RANBP2: variants seen among roughly 807,000 people sequenced by gnomAD.
RANBP2 encodes E3 SUMO-protein ligase RanBP2.
RANBP2 carries 57 observed loss-of-function variants against 303.6 expected under a neutral mutation model. The observed-to-expected ratio is 0.19, with a 90% CI of 0.15 to 0.23. The LOEUF (loss-of-function observed/expected upper bound fraction) is 0.23, where lower values mean the gene tolerates loss of function less well. RANBP2 is among the 10% of genes least tolerant of loss of function. The probability of loss-of-function intolerance (pLI) is 1.00; values close to 1 mark genes in which losing one functional copy is unlikely to be tolerated. For missense variants in RANBP2, 3,138 were observed against 3,780.8 expected (o/e 0.83, Z 4.46); for synonymous variants, 1,167 against 1,301.5 (o/e 0.90, Z 2.23).
chr2:108,986,237 T>C, the RANBP2 span, among the ~76,000 whole-genome samples: 2 of 152,136 alleles, frequency 1.3e-5, no homozygotes, highest in African/African-American at 2.4e-5. Flanking sequence ...TTTTTCACTA[T>C]ATAAAAACTA....
Position 108,766,079 on chromosome 2 carries a change from A to G in RANBP2, c.5540A>G (p.Glu1847Gly), listed in dbSNP as rs1254493089. The part of the protein sequence containing the change: ...VGTGFKSNFS[E>G]KASKFGNTEQ... ...ACAGGATTTAAAAGTAATTTCTCAG[A>G]AAAAGCTTCTAAGTTTGGCAATACA... Residue 1847 changes from glutamate to glycine, a missense_variant, in exon 20 of 29, where the codon GAA becomes GGA. Glu to Gly is a moderately conservative substitution (Grantham distance 98). Around this residue, in one of 20 missense-constraint regions of RANBP2, gnomAD observed 348 missense variants for 360.4 expected, o/e 0.97. Transcript: ENST00000283195. 1 of 1,614,180 alleles carries G rather than the reference A, an allele frequency of 6.2e-7. No homozygotes were observed.
the RANBP2 span, chr2:109,544,698 G>C: frequency 1.2e-6 from 1 of 864,312 alleles, no homozygotes; most frequent in Non-Finnish European, 1.4e-6. Flanking sequence ...AAAATCCAAA[G>C]CATGTTGAAA....
chr2:109,050,410 C>T, the RANBP2 span, among the ~76,000 whole-genome samples: 1 of 146,942 alleles, frequency 6.8e-6, no homozygotes, highest in Non-Finnish European at 1.5e-5. Flanking sequence ...CAAGCCACCA[C>T]ACCAGGCGAA....
At chr2:109,078,267 CGTATAT>C in the RANBP2 span, among the ~76,000 whole-genome samples, 1 of 17,568 alleles carries the variant, frequency 5.7e-5, no homozygotes, top group Admixed American at 6.0e-4. Flanking sequence ...ATATATAGCG[CGTATAT>C]ATATATATAT....
At chr2:109,188,064 G>A in the RANBP2 span, among the ~76,000 whole-genome samples, 31 of 152,222 alleles carry the variant, frequency 2.0e-4, no homozygotes, top group African/African-American at 7.2e-4. Context: ...CCCCGTGAGC[G>A]TAGTGAGTGG....
At chr2:108,957,446 A>G in the RANBP2 span, among the ~76,000 whole-genome samples, 5 of 152,226 alleles carry the variant, frequency 3.3e-5, no homozygotes, top group African/African-American at 9.6e-5. Flanking sequence ...CAGTCCTTCA[A>G]ATAGAGGGCT....
At chr2:109,144,618 C>T in the RANBP2 span, among the ~76,000 whole-genome samples, 1 of 152,206 alleles carries the variant, frequency 6.6e-6, no homozygotes, top group Non-Finnish European at 1.5e-5. Flanking sequence ...AAATGGCAAA[C>T]ATGAGAAACC....
chr2:109,130,795 A>G, the RANBP2 span, among the ~76,000 whole-genome samples: 2 of 152,002 alleles, frequency 1.3e-5, no homozygotes, highest in South Asian at 4.1e-4. Flanking sequence ...GTACAGCCGC[A>G]TTTTAGGGCC....
the RANBP2 span, among the ~76,000 whole-genome samples, chr2:109,577,812 C>T: frequency 2.0e-5 from 3 of 147,634 alleles, no homozygotes; most frequent in South Asian, 6.5e-4. Flanking sequence ...ACACAGGAGG[C>T]TGAGGCTTAA....
the RANBP2 span, among the ~76,000 whole-genome samples, chr2:109,435,621 G>A: frequency 4.6e-5 from 7 of 152,208 alleles, no homozygotes; most frequent in African/African-American, 1.4e-4. Context: ...ACTAGCCAAG[G>A]GTATCTCTGC....
chr2:108,903,611 T>C, the RANBP2 span, among the ~76,000 whole-genome samples: 9 of 152,254 alleles, frequency 5.9e-5, no homozygotes, highest in South Asian at 1.7e-3. Flanking sequence ...TATGCCAAAC[T>C]GATTTTTGAC....
the RANBP2 span, among the ~76,000 whole-genome samples, chr2:109,078,118 A>G: frequency 0.015 from 693 of 44,748 alleles, 29 homozygotes; most frequent in Non-Finnish European, 0.021. Context: ...ATATATATAT[A>G]GCGTGTATAT....
chr2:109,253,453 G>A, the RANBP2 span, among the ~76,000 whole-genome samples: 1 of 152,178 alleles, frequency 6.6e-6, no homozygotes, highest in Non-Finnish European at 1.5e-5. Context: ...CGGGTGGGCT[G>A]GTGAGGGCAT....
the RANBP2 span, among the ~76,000 whole-genome samples, chr2:109,688,451 ACT>A: frequency 2.0e-5 from 3 of 152,004 alleles, no homozygotes; most frequent in East Asian, 5.8e-4. Context: ...CTGAAAAGAG[ACT>A]CTGTTGGAGC....
chr2:108,975,132 G>A, the RANBP2 span, among the ~76,000 whole-genome samples: 1 of 152,226 alleles, frequency 6.6e-6, no homozygotes, highest in South Asian at 2.1e-4. Flanking sequence ...GTCTGAGGGT[G>A]CTGGGCAGGG....
chr2:109,670,975 A>G, the RANBP2 span, among the ~76,000 whole-genome samples: 2 of 152,180 alleles, frequency 1.3e-5, no homozygotes, highest in African/African-American at 4.8e-5. Flanking sequence ...CCCAGGCCCC[A>G]GTGCCTGGCC....
At chr2:109,331,232 G>A in the RANBP2 span, among the ~76,000 whole-genome samples, 1 of 152,096 alleles carries the variant, frequency 6.6e-6, no homozygotes, top group Non-Finnish European at 1.5e-5. Flanking sequence ...TCCTGATATT[G>A]TGTACAGACC....
chr2:109,374,885 C>T, the RANBP2 span, among the ~76,000 whole-genome samples: 6 of 152,178 alleles, frequency 3.9e-5, no homozygotes, highest in Non-Finnish European at 7.4e-5. Context: ...GCTAAGCCCA[C>T]GGTGGACCTC....
chr2:109,249,536 C>CTTTTTCTTTCT, the RANBP2 span, among the ~76,000 whole-genome samples: 69 of 74,092 alleles, frequency 9.3e-4, 1 homozygote, highest in Non-Finnish European at 1.3e-3. Flanking sequence ...TCTTTCTTTC[C>CTTTTTCTTTCT]TTCCTTCCTT....
Sources: allele counts gnomAD v4.1 joint callset (sites outside exome capture counted in the v4.1 genomes callset), GRCh38; gene constraint gnomAD v4.1.1; regional missense constraint gnomAD v4.1.1; transcripts MANE v1.5; gene names NCBI Gene and HGNC (gene_info 2026-07-23, HGNC 2026-07-21).